DEPDC5: variants seen among roughly 807,000 people sequenced by gnomAD.
DEPDC5 encodes the protein DEP domain containing 5, GATOR1 subcomplex subunit, also known as GATOR1 complex protein DEPDC5.
Under a neutral mutation model 217.3 loss-of-function variants are expected in DEPDC5, and 73 were observed. The observed-to-expected ratio is 0.34, with a 90% CI of 0.28 to 0.41. DEPDC5 has a LOEUF of 0.41. DEPDC5 is among the 10% of genes least tolerant of loss of function. The probability of loss-of-function intolerance (pLI) is 1.00; values close to 1 mark genes in which losing one functional copy is unlikely to be tolerated. For synonymous variants in DEPDC5, 733 were observed against 756.7 expected, an observed-to-expected ratio of 0.97 and a Z score of 0.51; for missense variants, 1,675 against 2,070.1, an observed-to-expected ratio of 0.81 and a Z score of 3.70.
chr22:31,807,348 G>A (rs75307421), intron 18 of DEPDC5, among the ~76,000 whole-genome samples: 4,739 of 152,316 alleles, frequency 0.031, 155 homozygotes, highest in Admixed American at 0.1. Context: ...ATCAATGGCT[G>A]AAATATGAAA....
chr22:31,813,536 C>T (rs2088689089), intron 20 of DEPDC5, among the ~76,000 whole-genome samples: 1 of 152,160 alleles, frequency 6.6e-6, no homozygotes, highest in Non-Finnish European at 1.5e-5. Context: ...GGGAGCAGCT[C>T]TGATGCCAGA....
rs780132440 is a variant in DEPDC5, at chr22:31,861,318, C to A, written c.3265-50C>A. On this transcript the variant is annotated intron_variant, in intron 32 of 42. Transcript: ENST00000651528. ...TTAACCACTGGTACACATTCCGTTT[C>A]TTCGCTTCCTTGCAACTGCTGCTGC... The A allele has an allele frequency of 3.0e-5, 46 of 1,536,106 alleles. No homozygotes were observed. The African/African-American group carries it at 5.6e-4, about 19-fold the overall frequency.
At chr22:31,813,143 C>T (rs1481410490) in intron 20 of DEPDC5, among the ~76,000 whole-genome samples, 1 of 152,062 alleles carries the variant, frequency 6.6e-6, no homozygotes, top group Non-Finnish European at 1.5e-5. Flanking sequence ...TGTTTTCTGC[C>T]CTTTTCTCTC....
At chr22:31,905,891 C>T (rs2093749399) in intron 41 of DEPDC5, 93 bp from the exon 42 acceptor site, 2 of 1,120,724 alleles carry the variant, frequency 1.8e-6, no homozygotes, top group African/African-American at 1.5e-5. Flanking sequence ...CTCTGTGTCT[C>T]AGGCTGTCCG....
intron 38 of DEPDC5, among the ~76,000 whole-genome samples, chr22:31,884,618 G>C (rs540601148): frequency 6.6e-6 from 1 of 151,986 alleles, no homozygotes; most frequent in African/African-American, 2.4e-5. Flanking sequence ...TATAGCATTC[G>C]GGTCTCAGCC....
chr22:31,755,895 A>G (rs2075284176), intron 2 of DEPDC5, among the ~76,000 whole-genome samples: 1 of 151,022 alleles, frequency 6.6e-6, no homozygotes. Context: ...TTTTTTTGAG[A>G]CAGAGTCTCG....
chr22:31,833,656 G>A (rs757130163), intron 24 of DEPDC5, among the ~76,000 whole-genome samples: 1 of 152,130 alleles, frequency 6.6e-6, no homozygotes, highest in Non-Finnish European at 1.5e-5. Context: ...TAAGTGGCAG[G>A]TTGCTCGTGT....
At chr22:31,829,906 A>G (rs80046879) in intron 24 of DEPDC5, among the ~76,000 whole-genome samples, 5,237 of 152,308 alleles carry the variant, frequency 0.034, 145 homozygotes, top group African/African-American at 0.072. Context: ...ATTGGAGTTA[A>G]ATCATTTTGA....
chr22:31,849,292 A>G (rs773685992), intron 31 of DEPDC5, among the ~76,000 whole-genome samples: 3 of 152,146 alleles, frequency 2.0e-5, no homozygotes, highest in African/African-American at 4.8e-5. Context: ...GTCCATTCTT[A>G]TGCTACTAAT....
chr22:31,843,900 C>T, intron 29 of DEPDC5, 88 bp downstream of exon 29: 3 of 1,341,476 alleles, frequency 2.2e-6, no homozygotes, highest in Non-Finnish European at 3.0e-6. Context: ...CTTTCTCTCT[C>T]TCTCCCTTTT....
chr22:31,875,086 G>A (rs1284578081), intron 36 of DEPDC5: 1 of 158,414 alleles, frequency 6.3e-6, no homozygotes, highest in African/African-American at 2.4e-5. Flanking sequence ...TCTATACGGA[G>A]GCCCCAACTG....
chr22:31,860,762 A>T (rs563570048), intron 32 of DEPDC5, among the ~76,000 whole-genome samples: 1 of 152,204 alleles, frequency 6.6e-6, no homozygotes, highest in South Asian at 2.1e-4. Flanking sequence ...GCTAAAAAAA[A>T]ACTAAGCAAG....
At chr22:31,806,336 G>C in intron 18 of DEPDC5, 145 bp downstream of exon 18, 1 of 675,630 alleles carries the variant, frequency 1.5e-6, no homozygotes, top group South Asian at 2.1e-5. Flanking sequence ...CAAGAAGGTA[G>C]ATTTCATTAA....
intron 18 of DEPDC5, 142 bp downstream of exon 18, chr22:31,806,333 G>A (rs1470330807): frequency 7.2e-6 from 5 of 690,782 alleles, no homozygotes; most frequent in South Asian, 6.2e-5. Context: ...AGCCAAGAAG[G>A]TAGATTTCAT....
intron 38 of DEPDC5, chr22:31,880,160 A>G: frequency 4.5e-6 from 1 of 224,452 alleles, no homozygotes; most frequent in South Asian, 7.2e-5. Context: ...CTAAAAGGTC[A>G]TCCATTCCAG....
chr22:31,898,052 G>A (rs192592564), intron 40 of DEPDC5, among the ~76,000 whole-genome samples: 17 of 152,162 alleles, frequency 1.1e-4, no homozygotes, highest in East Asian at 1.9e-4. Flanking sequence ...ATGCTATTTC[G>A]TGCAAAAAGG....
intron 35 of DEPDC5, chr22:31,873,967 AT>A: frequency 3.5e-6 from 1 of 285,210 alleles, no homozygotes. Context: ...TGATTTTTGT[AT>A]TTTTAGTAGA....
intron 7 of DEPDC5, 38 bp downstream of exon 7, chr22:31,768,901 A>T: frequency 1.2e-6 from 2 of 1,610,752 alleles, no homozygotes; most frequent in Non-Finnish European, 1.7e-6. Context: ...CTGTGCAGTA[A>T]CTGGGCTACA....
At chr22:31,833,746 C>A in intron 24 of DEPDC5, 169 bp from the exon 25 acceptor site, 1 of 500,680 alleles carries the variant, frequency 2.0e-6, no homozygotes, top group Non-Finnish European at 3.5e-6. Context: ...TTAGATTGAT[C>A]ATTTTTCTTT....
Sources: gnomAD v4.1 joint callset for allele counts (sites outside exome capture counted in the v4.1 genomes callset) on GRCh38, gnomAD v4.1.1 for gene constraint, MANE v1.5 for transcripts, NCBI Gene and HGNC (gene_info 2026-07-23, HGNC 2026-07-21) for gene names.